The following CTNND2 variants were observed in gnomAD, a reference collection of about 807,000 sequenced individuals.
CTNND2 encodes the protein catenin delta 2, also known as catenin delta-2.
Under a neutral mutation model 144.4 loss-of-function variants are expected in CTNND2, and 22 were observed. That is an observed-to-expected ratio of 0.15 (90% confidence interval 0.11 to 0.22). CTNND2 has a LOEUF of 0.22. Ranked by LOEUF, CTNND2 falls within the 10% of genes least tolerant of loss-of-function variation. The pLI is 1.00. For synonymous variants in CTNND2, 751 were observed against 695.6 expected (o/e 1.08, Z -1.25); for missense variants, 1,353 against 1,618.8 (o/e 0.84, Z 2.82).
chr5:11,065,518 GA>G (rs1301598632), intron 16 of CTNND2, among the ~76,000 whole-genome samples: 1 of 151,898 alleles, frequency 6.6e-6, no homozygotes, highest in African/African-American at 2.4e-5. Context: ...AGATGCTTTA[GA>G]AAAAAAATAC....
chr5:11,488,767 G>A (rs908452761), intron 3 of CTNND2, among the ~76,000 whole-genome samples: 2 of 152,084 alleles, frequency 1.3e-5, no homozygotes. Context: ...ACTTTCCATC[G>A]TTATGACTGT....
chr5:11,877,394 T>A (rs1387205773), intron 1 of CTNND2, among the ~76,000 whole-genome samples: 1 of 152,158 alleles, frequency 6.6e-6, no homozygotes, highest in Non-Finnish European at 1.5e-5. Context: ...TTAATTGGCA[T>A]CCAGTTATAA....
At chr5:11,534,435 C>T (rs969021034) in intron 3 of CTNND2, among the ~76,000 whole-genome samples, 2 of 151,324 alleles carry the variant, frequency 1.3e-5, no homozygotes, top group African/African-American at 4.9e-5. Context: ...GGCTAACATT[C>T]CTACCAAAAA....
intron 2 of CTNND2, among the ~76,000 whole-genome samples, chr5:11,662,146 CACAT>C (rs1398514436): frequency 1.8e-3 from 189 of 106,968 alleles, no homozygotes; most frequent in African/African-American, 9.1e-3. Flanking sequence ...TGTATATATA[CACAT>C]ATATATGTGT....
At chr5:11,067,495 T>G (rs1477791516) in intron 16 of CTNND2, among the ~76,000 whole-genome samples, 1 of 152,210 alleles carries the variant, frequency 6.6e-6, no homozygotes, top group African/African-American at 2.4e-5. Flanking sequence ...AGATGCTGCC[T>G]GAAGGATCAG....
chr5:11,626,314 G>C (rs1465020803), intron 2 of CTNND2, among the ~76,000 whole-genome samples: 2 of 152,146 alleles, frequency 1.3e-5, no homozygotes, highest in African/African-American at 2.4e-5. Context: ...TGTGCTTACT[G>C]ATTACCTCAT....
chr5:11,628,370 G>A (rs1041868329), intron 2 of CTNND2, among the ~76,000 whole-genome samples: 2 of 152,154 alleles, frequency 1.3e-5, no homozygotes, highest in African/African-American at 4.8e-5. Context: ...TGCTTGCCAA[G>A]TGTCAGGTAA....
chr5:11,279,986 G>A (rs1746954721), intron 9 of CTNND2, among the ~76,000 whole-genome samples: 1 of 152,134 alleles, frequency 6.6e-6, no homozygotes. Context: ...CTCTAATACA[G>A]GGGATTACAA....
At chr5:11,832,372 A>C (rs955927170) in intron 1 of CTNND2, among the ~76,000 whole-genome samples, 2 of 152,204 alleles carry the variant, frequency 1.3e-5, no homozygotes, top group Non-Finnish European at 2.9e-5. Context: ...GTCTGGGAGA[A>C]GATATCTCCA....
intron 6 of CTNND2, among the ~76,000 whole-genome samples, chr5:11,387,215 G>A (rs1048172657): frequency 2.7e-5 from 4 of 145,970 alleles, no homozygotes; most frequent in East Asian, 2.0e-4. Flanking sequence ...TTTTCAAAGG[G>A]AGGTCCCTGA....
intron 18 of CTNND2, among the ~76,000 whole-genome samples, chr5:11,003,815 A>G (rs1022161822): frequency 4.6e-5 from 7 of 152,324 alleles, no homozygotes; most frequent in Non-Finnish European, 8.8e-5. Context: ...ACAAATAAAT[A>G]CCACCTGACA....
At chr5:11,677,320 C>G (rs781184959) in intron 2 of CTNND2, among the ~76,000 whole-genome samples, 11 of 152,200 alleles carry the variant, frequency 7.2e-5, no homozygotes, top group Non-Finnish European at 1.0e-4. Context: ...GCTGTTTCTA[C>G]ACCTCCTGTG....
chr5:11,586,499 C>A (rs1046461515), intron 2 of CTNND2, among the ~76,000 whole-genome samples: 2 of 152,154 alleles, frequency 1.3e-5, no homozygotes, highest in East Asian at 3.8e-4. Flanking sequence ...AGAATTCACA[C>A]GTTAATAAGC....
chr5:10,992,504 C>T (rs779038415), intron 19 of CTNND2, 47 bp downstream of exon 19: 1 of 1,612,114 alleles, frequency 6.2e-7, no homozygotes, highest in South Asian at 1.1e-5. Context: ...ACCGTCTTTG[C>T]TCAACGAGAA....
chr5:11,402,168 G>A (rs910054934), intron 5 of CTNND2, among the ~76,000 whole-genome samples: 5 of 152,128 alleles, frequency 3.3e-5, no homozygotes, highest in Admixed American at 6.5e-5. Flanking sequence ...AAATAGATGA[G>A]GAGCTAAAAT....
intron 2 of CTNND2, among the ~76,000 whole-genome samples, chr5:11,610,827 C>G (rs1469522307): frequency 6.6e-6 from 1 of 152,128 alleles, no homozygotes; most frequent in Non-Finnish European, 1.5e-5. Context: ...AGGTAGAAAA[C>G]AATATTTTTT....
intron 2 of CTNND2, among the ~76,000 whole-genome samples, chr5:11,643,862 GAAGT>G (rs1429323949): frequency 1.3e-5 from 2 of 151,928 alleles, no homozygotes; most frequent in African/African-American, 4.8e-5. Context: ...CTGCATACAT[GAAGT>G]AAAACGAAAG....
chr5:11,720,630 G>T (rs1437911668), intron 2 of CTNND2, among the ~76,000 whole-genome samples: 1 of 152,124 alleles, frequency 6.6e-6, no homozygotes, highest in Non-Finnish European at 1.5e-5. Context: ...TTCTTCACAG[G>T]TGTGGGTATG....
At chr5:11,491,056 AATGAAG>A (rs1769336906) in intron 3 of CTNND2, among the ~76,000 whole-genome samples, 1 of 152,202 alleles carries the variant, frequency 6.6e-6, no homozygotes, top group Non-Finnish European at 1.5e-5. Flanking sequence ...CTGTAACCAT[AATGAAG>A]AAATCAAAAA....
Sources: gnomAD v4.1 joint callset for allele counts (sites outside exome capture counted in the v4.1 genomes callset) on GRCh38, gnomAD v4.1.1 for gene constraint, MANE v1.5 for transcripts, NCBI Gene and HGNC (gene_info 2026-07-23, HGNC 2026-07-21) for gene names.